EYS: variants seen among roughly 807,000 people sequenced by gnomAD.
EYS encodes protein eyes shut homolog.
EYS carries 250 observed loss-of-function variants against 282.1 expected under a neutral mutation model. That is an observed-to-expected ratio of 0.89 (90% CI 0.80 to 0.98). The LOEUF (loss-of-function observed/expected upper bound fraction) is 0.98, where lower values mean the gene tolerates loss of function less well. EYS is among the 50% of genes least tolerant of loss of function. The pLI is 0.00. For missense variants in EYS, 4,016 were observed against 3,709.0 expected (o/e 1.08, Z -2.15); for synonymous variants, 1,355 against 1,282.9 (o/e 1.06, Z -1.20).
intron 8 of EYS, among the ~76,000 whole-genome samples, chr6:65,357,975 T>A (rs1764558879): frequency 6.6e-6 from 1 of 151,944 alleles, no homozygotes; most frequent in Non-Finnish European, 1.5e-5. Context: ...GTGACCTCTC[T>A]TTTAAAATGA....
chr6:64,539,082 G>T (rs1209492847), intron 26 of EYS, among the ~76,000 whole-genome samples: 1 of 152,116 alleles, frequency 6.6e-6, no homozygotes, highest in African/African-American at 2.4e-5. Context: ...ATTTCACTTA[G>T]CATAATGACC....
chr6:64,334,997 T>C (rs1469095171), intron 29 of EYS, among the ~76,000 whole-genome samples: 1 of 152,050 alleles, frequency 6.6e-6, no homozygotes, highest in Non-Finnish European at 1.5e-5. Context: ...TAATCCACCA[T>C]AGAAGCAATA....
chr6:64,670,340 G>A (rs1769405957), intron 22 of EYS, among the ~76,000 whole-genome samples: 1 of 151,476 alleles, frequency 6.6e-6, no homozygotes, highest in Admixed American at 6.6e-5. Flanking sequence ...CTTGAACGAA[G>A]TCTACATTGC....
At chr6:63,835,726 AAAT>A (rs1220608146) in intron 36 of EYS, among the ~76,000 whole-genome samples, 1 of 152,104 alleles carries the variant, frequency 6.6e-6, no homozygotes, top group Admixed American at 6.6e-5. Context: ...ACTTATGGAC[AAAT>A]AATAATAAAT....
intron 35 of EYS, among the ~76,000 whole-genome samples, chr6:63,881,173 G>A (rs1344813151): frequency 3.3e-5 from 5 of 151,394 alleles, no homozygotes; most frequent in African/African-American, 7.4e-5. Context: ...TCACTATTTG[G>A]GGGGATCGTT....
At chr6:65,323,129 T>C (rs1179465627) in intron 11 of EYS, among the ~76,000 whole-genome samples, 2 of 144,954 alleles carry the variant, frequency 1.4e-5, no homozygotes, top group East Asian at 2.0e-4. Flanking sequence ...ATTGTATTGA[T>C]GTGGAAAATG....
intron 2 of EYS, among the ~76,000 whole-genome samples, chr6:65,597,805 A>C (rs1423568869): frequency 6.6e-6 from 1 of 152,108 alleles, no homozygotes; most frequent in African/African-American, 2.4e-5. Context: ...AAATAATCAT[A>C]GACTGGCAAA....
At chr6:65,207,171 A>C (rs1318410616) in intron 12 of EYS, among the ~76,000 whole-genome samples, 6 of 151,796 alleles carry the variant, frequency 4.0e-5, no homozygotes, top group Non-Finnish European at 8.9e-5. Flanking sequence ...AAAGGCAGTA[A>C]AGTTTCAAGA....
At chr6:64,534,926 C>T (rs191319949) in intron 26 of EYS, among the ~76,000 whole-genome samples, 1 of 152,244 alleles carries the variant, frequency 6.6e-6, no homozygotes, top group Non-Finnish European at 1.5e-5. Context: ...AAGGTGCATG[C>T]ACACACACAT....
intron 35 of EYS, among the ~76,000 whole-genome samples, chr6:63,950,093 A>ACCT (rs1765525504): frequency 6.6e-6 from 1 of 151,216 alleles, no homozygotes; most frequent in Non-Finnish European, 1.5e-5. Flanking sequence ...AATTGCTTGA[A>ACCT]CCCGGGAGGT....
At chr6:64,478,944 T>A (rs1776357720) in intron 26 of EYS, among the ~76,000 whole-genome samples, 1 of 151,904 alleles carries the variant, frequency 6.6e-6, no homozygotes, top group South Asian at 2.1e-4. Flanking sequence ...ATCCTCTTTA[T>A]ATGTAAACTA....
intron 31 of EYS, among the ~76,000 whole-genome samples, chr6:64,211,581 TC>T (rs1283938582): frequency 2.2e-5 from 3 of 134,774 alleles, no homozygotes; most frequent in Non-Finnish European, 3.2e-5. Context: ...ATATTTTTTT[TC>T]ATATATTAAT....
At chr6:64,666,968 C>A (rs1769253775) in intron 22 of EYS, among the ~76,000 whole-genome samples, 1 of 151,934 alleles carries the variant, frequency 6.6e-6, no homozygotes, top group African/African-American at 2.4e-5. Flanking sequence ...GATCAATGGG[C>A]AGACCAGAAT....
At chr6:65,555,390 T>C (rs1451436220) in intron 2 of EYS, among the ~76,000 whole-genome samples, 2 of 152,150 alleles carry the variant, frequency 1.3e-5, no homozygotes, top group Non-Finnish European at 2.9e-5. Context: ...TCTTTTACAA[T>C]GCATATGACT....
rs746770940 is a variant in EYS at position 64,081,915 on chromosome 6, C to G, written c.6512G>C (p.Arg2171Thr). ...LKFVLEKEHN[R>T]TVTIYLTIKT... The stretch of plus-strand genomic sequence containing the variant: ...TATAGTCAAGTAGATGGTAACAGTT[C>G]TGTTATGTTCCTTCTCCAGGACAAA... The change falls in exon 32 of 43, where the codon AGA becomes ACA. Residue 2171 changes from arginine (R) to threonine (T), a missense_variant. Transcript: ENST00000503581. 6.5e-7 allele frequency: 1 copy of G among 1,542,202 alleles called. No individual in the cohort carries two copies. Among genetic ancestry groups the G allele is most frequent in the Non-Finnish European group, 8.8e-7 (1 of 1,139,054 alleles).
At chr6:64,909,413 A>G (rs57823661) in intron 16 of EYS, among the ~76,000 whole-genome samples, 9,469 of 152,200 alleles carry the variant, frequency 0.062, 503 homozygotes, top group African/African-American at 0.15. Flanking sequence ...TGTTTATAGA[A>G]ATCTCATAAA....
At chr6:65,483,932 G>A (rs1375304436) in intron 5 of EYS, among the ~76,000 whole-genome samples, 1 of 152,014 alleles carries the variant, frequency 6.6e-6, no homozygotes, top group Non-Finnish European at 1.5e-5. Flanking sequence ...TCACTATCAT[G>A]AGAACAGCAT....
intron 19 of EYS, among the ~76,000 whole-genome samples, chr6:64,866,171 A>C (rs1310906154): frequency 6.6e-6 from 1 of 151,942 alleles, no homozygotes; most frequent in African/African-American, 2.4e-5. Context: ...AAATACATGC[A>C]ATCTGTCTGG....
In EYS at chr6:64,420,073, T is replaced by C. The variant is rs549185903; in HGVS notation, c.5927+16101A>G. On this transcript the variant is annotated intron_variant, in intron 28 of 42. Coordinates refer to ENST00000503581, the MANE Select transcript of EYS (RefSeq NM_001142800.2). ...CCATACCTGGTGGAGGTATGAAAGATTTCACACCTAGATTTCATACCTCTG... is the reference window on the plus strand; with the variant it reads ...CCATACCTGGTGGAGGTATGAAAGACTTCACACCTAGATTTCATACCTCTG... Among the ~76,000 whole-genome samples the C allele has an allele frequency of 5.9e-4, 90 of 152,274 alleles. 2 individuals carry two copies. The South Asian group carries it at 0.018, about 31-fold the overall frequency.
Sources: gnomAD v4.1 joint callset for allele counts (sites outside exome capture counted in the v4.1 genomes callset) on GRCh38, gnomAD v4.1.1 for gene constraint, MANE v1.5 for transcripts, NCBI Gene and HGNC (gene_info 2026-07-23, HGNC 2026-07-21) for gene names.